HEG1: variants seen among roughly 807,000 people sequenced by gnomAD.
The protein encoded by HEG1 is heart development protein with EGF like domains 1.
Under a neutral mutation model 125.6 loss-of-function variants are expected in HEG1, and 56 were observed. That is an observed-to-expected ratio of 0.45 (90% confidence interval 0.36 to 0.56). The LOEUF (loss-of-function observed/expected upper bound fraction) is 0.56, where lower values mean the gene tolerates loss of function less well. HEG1 is among the 20% of genes least tolerant of loss of function. The probability of loss-of-function intolerance (pLI) is 0.00; values close to 1 mark genes in which losing one functional copy is unlikely to be tolerated. For synonymous variants in HEG1, 644 were observed against 668.5 expected, an observed-to-expected ratio of 0.96 and a Z score of 0.57; for missense variants, 1,523 against 1,670.0, an observed-to-expected ratio of 0.91 and a Z score of 1.53.
chr3:124,986,029 C>T (rs571977954), intron 14 of HEG1, among the ~76,000 whole-genome samples: 16 of 152,358 alleles, frequency 1.1e-4, no homozygotes, highest in Non-Finnish European at 1.6e-4. Flanking sequence ...TCTCCTGCCT[C>T]GGCCTCCCAA....
intron 1 of HEG1, among the ~76,000 whole-genome samples, chr3:125,033,612 A>G (rs1227270121): frequency 6.6e-6 from 1 of 152,228 alleles, no homozygotes; most frequent in Non-Finnish European, 1.5e-5. Context: ...GGATGTATTT[A>G]CGAGTGGTCC....
chr3:125,047,822 T>C (rs745943652), intron 1 of HEG1, among the ~76,000 whole-genome samples: 1 of 152,140 alleles, frequency 6.6e-6, no homozygotes, highest in Non-Finnish European at 1.5e-5. Flanking sequence ...TGCTACTCCT[T>C]CCTCCAATTT....
At chr3:124,997,969 G>A in intron 11 of HEG1, 146 bp from the exon 12 acceptor site, 1 of 842,050 alleles carries the variant, frequency 1.2e-6, no homozygotes, top group Non-Finnish European at 1.7e-6. Context: ...TCTCCACAGA[G>A]CAACACTCCT....
intron 16 of HEG1, among the ~76,000 whole-genome samples, chr3:124,972,785 T>C (rs1349195677): frequency 6.6e-6 from 1 of 152,176 alleles, no homozygotes; most frequent in Non-Finnish European, 1.5e-5. Context: ...TACAGGAATA[T>C]GACACAGGTT....
chr3:125,015,142 T>A, intron 5 of HEG1: 1 of 501,456 alleles, frequency 2.0e-6, no homozygotes, highest in South Asian at 2.6e-5. Context: ...TTATCTGAGA[T>A]GTCTGTTGCC....
intron 5 of HEG1, among the ~76,000 whole-genome samples, chr3:125,016,547 G>A (rs1232733860): frequency 1.3e-5 from 2 of 152,194 alleles, no homozygotes; most frequent in Non-Finnish European, 2.9e-5. Context: ...TAGTGAGGGT[G>A]AAAAATGATT....
At chr3:125,018,038 A>AG (rs1320337282) in intron 5 of HEG1, among the ~76,000 whole-genome samples, 2 of 152,012 alleles carry the variant, frequency 1.3e-5, no homozygotes, top group East Asian at 3.9e-4. Flanking sequence ...CAAAAAAAAA[A>AG]AAATAAATTG....
intron 1 of HEG1, among the ~76,000 whole-genome samples, chr3:125,034,831 T>C (rs1038838630): frequency 6.6e-6 from 1 of 151,382 alleles, no homozygotes; most frequent in African/African-American, 2.4e-5. Context: ...AAATAAATGA[T>C]AACAGAATGC....
rs765296836 is a variant in HEG1 at position 125,021,021 on chromosome 3, T to A, written c.1023A>T (p.Arg341Ser). 1.2e-6 allele frequency: 2 copies of A among 1,613,552 alleles called. No individual in the cohort carries two copies. The highest frequency in any genetic ancestry group is 4.5e-5 in the East Asian group (2 of 44,880). Residue 341 changes from arginine (R) to serine (S), a missense_variant, in exon 4 of 17, where the codon AGA becomes AGT. Coordinates refer to ENST00000311127, the MANE Select transcript of HEG1 (RefSeq NM_020733.2). ...VATVFTDGGPRTLRSLTVSLG... is the reference protein window; with the variant it reads ...VATVFTDGGPSTLRSLTVSLG... Reference sequence around the variant, plus strand: ...GACTGACCGTCAAAGATCGCAGCGTTCTCGGGCCACCATCAGTGAACACGG... The same window carrying A: ...GACTGACCGTCAAAGATCGCAGCGTACTCGGGCCACCATCAGTGAACACGG...
At chr3:125,012,590 C>T in intron 6 of HEG1, 33 bp downstream of exon 6, 1 of 1,585,444 alleles carries the variant, frequency 6.3e-7, no homozygotes, top group Non-Finnish European at 8.6e-7. Flanking sequence ...CTGGGCCTTG[C>T]AGTTAACATG....
chr3:125,021,358 C>A (rs1274334145), intron 3 of HEG1, among the ~76,000 whole-genome samples: 1 of 150,698 alleles, frequency 6.6e-6, no homozygotes, highest in Non-Finnish European at 1.5e-5. Flanking sequence ...ACACCGAGAT[C>A]CCTCACCAGG....
At chr3:125,038,570 A>G (rs925338711) in intron 1 of HEG1, among the ~76,000 whole-genome samples, 31 of 152,350 alleles carry the variant, frequency 2.0e-4, no homozygotes, top group African/African-American at 7.2e-4. Flanking sequence ...TCCAGGTGGC[A>G]TCGCAGTGGG....
At chr3:125,006,336 C>T (rs1253478426) in intron 8 of HEG1, among the ~76,000 whole-genome samples, 2 of 152,086 alleles carry the variant, frequency 1.3e-5, no homozygotes, top group Non-Finnish European at 2.9e-5. Context: ...CTGAGGGGAA[C>T]GGGACTTACA....
chr3:124,988,311 GGACATGTACTGCCATCCA>G (rs1473140544), intron 14 of HEG1, among the ~76,000 whole-genome samples: 1 of 152,076 alleles, frequency 6.6e-6, no homozygotes, highest in Non-Finnish European at 1.5e-5. Flanking sequence ...TCTTTAGAAA[GGACATGTACTGCCATCCA>G]GACTGTTTTA....
chr3:125,040,378 A>C (rs1278810926), intron 1 of HEG1, among the ~76,000 whole-genome samples: 1 of 152,182 alleles, frequency 6.6e-6, no homozygotes, highest in African/African-American at 2.4e-5. Flanking sequence ...GCCAGTGAAG[A>C]GGAAGGCAGT....
At chr3:125,019,001 G>A (rs545404425) in intron 5 of HEG1, among the ~76,000 whole-genome samples, 2 of 151,926 alleles carry the variant, frequency 1.3e-5, no homozygotes, top group Non-Finnish European at 2.9e-5. Context: ...CAAGTAGCTG[G>A]GATTACAGGT....
At chr3:125,040,349 G>A (rs1937584220) in intron 1 of HEG1, among the ~76,000 whole-genome samples, 1 of 152,130 alleles carries the variant, frequency 6.6e-6, no homozygotes, top group South Asian at 2.1e-4. Flanking sequence ...GGAAGGATAG[G>A]ACAAAATTAA....
chr3:125,012,660 G>A lies in HEG1; in HGVS notation c.2919C>T (p.Ser973=). Residue 973 remains serine, a synonymous_variant, in exon 6 of 17, where the codon AGC becomes AGT. Transcript: ENST00000311127. ...PKSATFAVQS[S]TQSPTTVSSS... ...AGGACACTGTTGTTGGTGACTGTGT[G>A]CTGCTCTGAACAGCAAAGGTGGCAG... 2 of 1,613,738 alleles carry A rather than the reference G, an allele frequency of 1.2e-6. No homozygotes were observed. Among genetic ancestry groups the A allele is most frequent in the East Asian group, 2.2e-5 (1 of 44,880 alleles).
intron 12 of HEG1, among the ~76,000 whole-genome samples, chr3:124,994,478 TA>T (rs1216337144): frequency 6.6e-6 from 1 of 151,660 alleles, no homozygotes; most frequent in African/African-American, 2.4e-5. Flanking sequence ...CTTCTGGACT[TA>T]AAAATAGAAA....
Sources: gnomAD v4.1 joint callset for allele counts (sites outside exome capture counted in the v4.1 genomes callset) on GRCh38, gnomAD v4.1.1 for gene constraint, MANE v1.5 for transcripts, NCBI Gene and HGNC (gene_info 2026-07-23, HGNC 2026-07-21) for gene names.